GALNT11: variants seen among roughly 807,000 people sequenced by gnomAD.
The protein encoded by GALNT11 is UDP-GalNAc:polypeptide N-acetylgalactosaminyltransferase 11.
Under a neutral mutation model 72.7 loss-of-function variants are expected in GALNT11, and 47 were observed. That is an observed-to-expected ratio of 0.65 (90% CI 0.51 to 0.82). The LOEUF is 0.82. GALNT11 is among the 40% of genes least tolerant of loss of function. GALNT11 has a pLI of 0.00. For synonymous variants in GALNT11, 270 were observed against 286.6 expected (o/e 0.94, Z 0.58); for missense variants, 677 against 778.4 (o/e 0.87, Z 1.55).
chr7:152,064,664 C>T (rs997018253), intron 1 of GALNT11, among the ~76,000 whole-genome samples: 1 of 152,192 alleles, frequency 6.6e-6, no homozygotes, highest in African/African-American at 2.4e-5. Context: ...GACAAAATCT[C>T]TCAGCATTTG....
At chr7:152,101,510 T>C (rs1391431900) in intron 3 of GALNT11, among the ~76,000 whole-genome samples, 1 of 151,746 alleles carries the variant, frequency 6.6e-6, no homozygotes, top group Non-Finnish European at 1.5e-5. Context: ...AATGGGGGCA[T>C]AGTACTGGAG....
At chr7:152,090,171 A>G (rs1282238227) in intron 1 of GALNT11, among the ~76,000 whole-genome samples, 1 of 152,204 alleles carries the variant, frequency 6.6e-6, no homozygotes, top group Non-Finnish European at 1.5e-5. Context: ...TTAGCTTGGC[A>G]TACACCCAGG....
chr7:152,033,555 ACT>A (rs1488212278), intron 1 of GALNT11, among the ~76,000 whole-genome samples: 41 of 152,208 alleles, frequency 2.7e-4, no homozygotes, highest in African/African-American at 9.9e-4. Context: ...CAATCAATTG[ACT>A]CTCAAGTGAG....
chr7:152,028,340 T>G (rs543392261), intron 1 of GALNT11, among the ~76,000 whole-genome samples: 5 of 152,244 alleles, frequency 3.3e-5, no homozygotes, highest in East Asian at 1.9e-4. Flanking sequence ...ATTGGTCGGT[T>G]TTTACAGAGT....
intron 1 of GALNT11, among the ~76,000 whole-genome samples, chr7:152,038,656 G>T (rs1374525697): frequency 6.6e-6 from 1 of 152,200 alleles, no homozygotes; most frequent in African/African-American, 2.4e-5. Flanking sequence ...GCAAAGGCAG[G>T]TTTGTCATGG....
At chr7:152,047,123 TC>T (rs1254451873) in intron 1 of GALNT11, among the ~76,000 whole-genome samples, 1 of 152,152 alleles carries the variant, frequency 6.6e-6, no homozygotes. Context: ...ATGTTTGTAA[TC>T]CCAGCACTTT....
rs185556461 is a variant in GALNT11, at chr7:152,031,616, T to C, written c.-39+5732T>C. On this transcript the variant is annotated intron_variant, in intron 1 of 11. Transcript: ENST00000430044. ...TTAAACAGTGAGGCCAGCCTTTTGC[T>C]ACTACATCAATTTCCTTACCTAGGT... Among the ~76,000 whole-genome samples the C allele has an allele frequency of 1.5e-3, 223 of 152,344 alleles. 1 individual carries two copies. Among genetic ancestry groups the C allele is most frequent in the African/African-American group, 5.1e-3 (213 of 41,568 alleles).
At chr7:152,039,635 G>T (rs139952857) in intron 1 of GALNT11, among the ~76,000 whole-genome samples, 1 of 152,132 alleles carries the variant, frequency 6.6e-6, no homozygotes, top group African/African-American at 2.4e-5. Flanking sequence ...CCTCCTCAGC[G>T]TCAGTCTTGA....
rs1207673805 is a variant in GALNT11, at chr7:152,081,331, A to G, written c.-38-12859A>G. 2.6e-5 allele frequency among the ~76,000 whole-genome samples: 4 copies of G among 152,172 alleles called. No individual in the cohort carries two copies. In the East Asian group the frequency reaches 7.7e-4, roughly 29 times the overall value. On this transcript the variant is annotated intron_variant, in intron 1 of 11. Coordinates refer to ENST00000430044, the MANE Select transcript of GALNT11 (RefSeq NM_022087.4). ...GAGGACGACTACAAAAAGCATTTCAAAAGAAGCCTTCTTACCTCAAAGCCC... is the reference window on the plus strand; with the variant it reads ...GAGGACGACTACAAAAAGCATTTCAGAAGAAGCCTTCTTACCTCAAAGCCC...
chr7:152,121,075 T>A, intron 11 of GALNT11, 107 bp downstream of exon 11: 1 of 1,369,478 alleles, frequency 7.3e-7, no homozygotes. Flanking sequence ...GTCTTCTCAG[T>A]CTGCAGTACA....
chr7:152,061,648 T>C (rs988316539), intron 1 of GALNT11, among the ~76,000 whole-genome samples: 3 of 152,240 alleles, frequency 2.0e-5, no homozygotes, highest in Non-Finnish European at 4.4e-5. Context: ...AATTAATTTT[T>C]GTATAAGGTG....
At chr7:152,080,618 T>C (rs2129019484) in intron 1 of GALNT11, among the ~76,000 whole-genome samples, 1 of 152,248 alleles carries the variant, frequency 6.6e-6, no homozygotes, top group African/African-American at 2.4e-5. Flanking sequence ...GTTTCCTTTT[T>C]GCTTGTCTGT....
intron 1 of GALNT11, among the ~76,000 whole-genome samples, chr7:152,061,689 T>G (rs1411978235): frequency 3.3e-5 from 5 of 150,802 alleles, no homozygotes; most frequent in Non-Finnish European, 7.4e-5. Context: ...AGCTTTCTAC[T>G]TATGGCTAGC....
intron 1 of GALNT11, among the ~76,000 whole-genome samples, chr7:152,079,743 T>C (rs748263933): frequency 1.3e-5 from 2 of 152,234 alleles, no homozygotes; most frequent in Non-Finnish European, 2.9e-5. Flanking sequence ...GAAAGAATAA[T>C]GTGTATTTTT....
intron 2 of GALNT11, among the ~76,000 whole-genome samples, chr7:152,100,147 G>A (rs564241335): frequency 2.0e-5 from 3 of 152,028 alleles, no homozygotes; most frequent in East Asian, 1.9e-4. Flanking sequence ...GTAAAAACTC[G>A]CATGTAATTG....
At chr7:152,033,099 C>T (rs571677674) in intron 1 of GALNT11, among the ~76,000 whole-genome samples, 21 of 152,288 alleles carry the variant, frequency 1.4e-4, no homozygotes, top group Admixed American at 4.6e-4. Context: ...GGCGCTTGCC[C>T]GAGGCACCCT....
intron 1 of GALNT11, among the ~76,000 whole-genome samples, chr7:152,077,989 C>T (rs116517214): frequency 0.01 from 1,574 of 151,560 alleles, 29 homozygotes; most frequent in African/African-American, 0.036. Context: ...CTAAAAAATA[C>T]AGTAGCCAAA....
chr7:152,113,347 C>T lies in GALNT11; in HGVS notation c.1182C>T (p.Thr394=). 6.2e-7 allele frequency: 1 copy of T among 1,614,070 alleles called. No individual in the cohort carries two copies. Among genetic ancestry groups the T allele is most frequent in the Non-Finnish European group, 8.5e-7 (1 of 1,180,006 alleles). The change falls in exon 8 of 12, where the codon ACC becomes ACT. Residue 394 remains threonine, a synonymous_variant. Transcript: ENST00000430044. ...ATGGATCTCCCGAAGGCCAGGACAC[C>T]ATGACACACAACTCTTTGCGGCTGG... ...RPYGSPEGQD[T]MTHNSLRLAH... is the part of the protein sequence containing the mutation.
chr7:152,116,919 G>T, intron 8 of GALNT11: 1 of 644,512 alleles, frequency 1.6e-6, no homozygotes, highest in Non-Finnish European at 2.9e-6. Context: ...GCCCACACAC[G>T]CAGACCCTCC....
Sources: allele counts gnomAD v4.1 joint callset (sites outside exome capture counted in the v4.1 genomes callset), GRCh38; gene constraint gnomAD v4.1.1; transcripts MANE v1.5; gene names NCBI Gene and HGNC (gene_info 2026-07-23, HGNC 2026-07-21).